BFSP2: variants seen among roughly 807,000 people sequenced by gnomAD.
BFSP2 encodes beaded filament structural protein 2, also known as phakinin.
A neutral mutation model predicts 44.9 loss-of-function variants in BFSP2; 38 were observed. That is an observed-to-expected ratio of 0.85 (90% CI 0.65 to 1.11). The LOEUF is 1.11. BFSP2 is among the 50% of genes least tolerant of loss of function. BFSP2 has a pLI of 0.00. For synonymous variants in BFSP2, 197 were observed against 209.9 expected, an observed-to-expected ratio of 0.94 and a Z score of 0.53; for missense variants, 525 against 533.0, an observed-to-expected ratio of 0.99 and a Z score of 0.15.
rs1042164098 is a variant in BFSP2, at chr3:133,400,863, A to C, written c.489+291A>C. On this transcript the variant is annotated intron_variant, in intron 1 of 6. Coordinates refer to ENST00000302334, the MANE Select transcript of BFSP2 (RefSeq NM_003571.4). The surrounding 1 kb of genome is among the most constrained non-coding windows in gnomAD (Gnocchi z 4.0). ...TTCAGATGAGAAACTGAGGCATGTA[A>C]TTTGCCCAAGACTTCAAAGCTAGTA... Among the ~76,000 whole-genome samples the C allele has an allele frequency of 2.0e-5, 3 of 152,202 alleles. No individual in the cohort carries two copies. The highest frequency in any genetic ancestry group is 6.5e-5 in the Admixed American group (1 of 15,280).
intron 1 of BFSP2, among the ~76,000 whole-genome samples, chr3:133,424,221 T>TGTGTGTGTGTGTGTGTGTG (rs879768397): frequency 9.5e-6 from 1 of 105,468 alleles, no homozygotes; most frequent in Non-Finnish European, 1.8e-5. Context: ...AATTTTTTTT[T>TGTGTGTGTGTGTGTGTGTG]TTTTTTTTTT....
At chr3:133,467,032 G>A in intron 5 of BFSP2, 73 bp downstream of exon 5, 1 of 1,587,098 alleles carries the variant, frequency 6.3e-7, no homozygotes. Context: ...CCAGTATTAT[G>A]GATCTTAGTT....
chr3:133,466,677 C>CAACAAAAAAAAA lies in BFSP2; in HGVS notation c.892-149_892-148insCAAAAAAAAAAA, dbSNP rs1277623226. On this transcript the variant is annotated intron_variant, in intron 4 of 6. Transcript: ENST00000302334. ...GCTACAGAGCGAGACTTCATCTCAA[C>CAACAAAAAAAAA]AAAAAAAAAAAAAAAAAAAAGATGT... The CAACAAAAAAAAA allele has an allele frequency of 1.4e-4, 36 of 259,254 alleles. 1 individual carries two copies. Among genetic ancestry groups the CAACAAAAAAAAA allele is most frequent in the African/African-American group, 1.3e-3 (28 of 21,394 alleles). The allele number at this position is 259,254 out of a possible 1,614,324, so 16.1% of individuals were successfully genotyped here.
chr3:133,444,213 T>A (rs2073874353), intron 1 of BFSP2, among the ~76,000 whole-genome samples: 1 of 152,058 alleles, frequency 6.6e-6, no homozygotes, highest in African/African-American at 2.4e-5. Flanking sequence ...CACAAACCCA[T>A]CAAATTCATT....
At chr3:133,451,350 A>G (rs1201853564) in intron 4 of BFSP2, among the ~76,000 whole-genome samples, 8 of 152,314 alleles carry the variant, frequency 5.3e-5, no homozygotes, top group Non-Finnish European at 1.0e-4. Context: ...ATGAGAGTAC[A>G]GAATGGTATA....
At chr3:133,433,181 T>G (rs573352527) in intron 1 of BFSP2, among the ~76,000 whole-genome samples, 1 of 152,138 alleles carries the variant, frequency 6.6e-6, no homozygotes, top group Admixed American at 6.5e-5. Context: ...CCCCCATGAC[T>G]GTATCTCTCT....
At chr3:133,456,248 A>G (rs953146804) in intron 4 of BFSP2, among the ~76,000 whole-genome samples, 1 of 152,222 alleles carries the variant, frequency 6.6e-6, no homozygotes, top group African/African-American at 2.4e-5. Context: ...CCTTCATGTC[A>G]CATGTCAGGA....
intron 4 of BFSP2, among the ~76,000 whole-genome samples, chr3:133,459,574 A>G (rs2074043364): frequency 6.6e-6 from 1 of 152,180 alleles, no homozygotes; most frequent in Non-Finnish European, 1.5e-5. Context: ...AAACTCACAG[A>G]GAAACTTGTA....
At chr3:133,467,931 G>A (rs1385080232) in intron 5 of BFSP2, among the ~76,000 whole-genome samples, 1 of 152,150 alleles carries the variant, frequency 6.6e-6, no homozygotes, top group East Asian at 1.9e-4. Flanking sequence ...AGAGTCAGAA[G>A]GGCTCAGCTC....
At chr3:133,425,699 TCTC>T (rs1357314076) in intron 1 of BFSP2, among the ~76,000 whole-genome samples, 4 of 151,270 alleles carry the variant, frequency 2.6e-5, no homozygotes, top group African/African-American at 7.3e-5. Context: ...TTCCTGCTAT[TCTC>T]CTCACTCCCA....
At chr3:133,462,035 C>A (rs1224788219) in intron 4 of BFSP2, among the ~76,000 whole-genome samples, 1 of 143,052 alleles carries the variant, frequency 7.0e-6, no homozygotes, top group African/African-American at 2.6e-5. Context: ...GTTTCTGCAG[C>A]GATCTAGAAT....
intron 1 of BFSP2, among the ~76,000 whole-genome samples, chr3:133,418,810 C>T (rs1385973854): frequency 6.6e-6 from 1 of 152,206 alleles, no homozygotes; most frequent in Non-Finnish European, 1.5e-5. Context: ...CACTGAACTG[C>T]AGGCCTCTGA....
At chr3:133,407,626 A>G (rs1238719513) in intron 1 of BFSP2, among the ~76,000 whole-genome samples, 1 of 152,194 alleles carries the variant, frequency 6.6e-6, no homozygotes, top group Non-Finnish European at 1.5e-5. Flanking sequence ...CCCGCCAGAC[A>G]TTAACATATT....
intron 4 of BFSP2, among the ~76,000 whole-genome samples, chr3:133,451,127 A>AG (rs1483404291): frequency 6.6e-6 from 1 of 151,650 alleles, no homozygotes; most frequent in African/African-American, 2.4e-5. Flanking sequence ...AAAAAAAAAA[A>AG]AAGAATATTT....
chr3:133,450,262 T>G lies in BFSP2; in HGVS notation c.730-41T>G, dbSNP rs765858451. On this transcript the variant is annotated intron_variant, in intron 3 of 6. Transcript: ENST00000302334. ...TGGCTAGAATTCTATGCCATTTATT[T>G]CCCCCCGTAACTCATCTAAGATGTA... 2.5e-6 allele frequency: 4 copies of G among 1,610,232 alleles called. No homozygotes were observed. The African/African-American group carries it at 5.3e-5, about 22-fold the overall frequency.
At chr3:133,418,272 C>T (rs1027826210) in intron 1 of BFSP2, among the ~76,000 whole-genome samples, 2 of 152,142 alleles carry the variant, frequency 1.3e-5, no homozygotes, top group Non-Finnish European at 2.9e-5. Flanking sequence ...TTCATTCCCA[C>T]CCCCCAGGTA....
chr3:133,429,657 C>CTA (rs2073689131), intron 1 of BFSP2: 2 of 151,878 alleles, frequency 1.3e-5, no homozygotes, highest in Non-Finnish European at 2.9e-5. Flanking sequence ...TGAGATTTAT[C>CTA]TGTGTTGACA....
At chr3:133,405,360 T>C (rs1409004803) in intron 1 of BFSP2, among the ~76,000 whole-genome samples, 1 of 152,148 alleles carries the variant, frequency 6.6e-6, no homozygotes, top group Admixed American at 6.5e-5. Context: ...ATGGACCTGA[T>C]TTGACTATTT....
rs1307582683 is a variant in BFSP2, at chr3:133,400,552, TG to T, written c.472del (p.Ala158ProfsTer61). ...AAACTGGGGTGCCCTACGGGCTTCC[TG>T]GGCCAGCAGCTGCCAGCAGGTAAGT... is the stretch of plus-strand genomic sequence containing the variant. ...SGNWGALRAS[W>X]ASSCQQVGEA... On this transcript the variant is annotated frameshift_variant, in exon 1 of 7. Transcript: ENST00000302334. LOFTEE classifies it high-confidence loss of function. The surrounding 1 kb of genome is among the most constrained non-coding windows in gnomAD (Gnocchi z 4.0). 2 of 1,608,680 alleles carry T rather than the reference TG, an allele frequency of 1.2e-6. No homozygotes were observed. The highest frequency in any genetic ancestry group is 1.7e-6 in the Non-Finnish European group (2 of 1,177,650).
Sources: gnomAD v4.1 joint callset for allele counts (sites outside exome capture counted in the v4.1 genomes callset) on GRCh38, gnomAD v4.1.1 for gene constraint, Gnocchi (gnomAD v3.1) non-coding constraint, MANE v1.5 for transcripts, NCBI Gene and HGNC (gene_info 2026-07-23, HGNC 2026-07-21) for gene names.